Variants in PSD4 observed in about 807,000 individuals in gnomAD.
PSD4 encodes the protein PH and SEC7 domain-containing protein 4.
In PSD4, 59 loss-of-function variants were observed where a neutral mutation model predicts 112.5. That is an observed-to-expected ratio of 0.52 (90% CI 0.43 to 0.65). The LOEUF (loss-of-function observed/expected upper bound fraction) is 0.65, where lower values mean the gene tolerates loss of function less well. Ranked by LOEUF, PSD4 falls within the 30% of genes least tolerant of loss-of-function variation. The pLI is 0.00. For missense variants in PSD4, 1,267 were observed against 1,352.6 expected (o/e 0.94, Z 0.99); for synonymous variants, 533 against 540.0 (o/e 0.99, Z 0.18).
At chr2:113,193,533 A>T in intron 8 of PSD4, 59 bp from the exon 9 acceptor site, 1 of 1,559,024 alleles carries the variant, frequency 6.4e-7, no homozygotes, top group Non-Finnish European at 8.8e-7. Flanking sequence ...GTGTGGGCAG[A>T]GGAAACAGGA....
At chr2:113,196,406 C>T in intron 12 of PSD4, 99 bp downstream of exon 12, 1 of 1,428,896 alleles carries the variant, frequency 7.0e-7, no homozygotes, top group Non-Finnish European at 9.4e-7. Flanking sequence ...AGACAGCCCG[C>T]GTTGAGGACA....
intron 6 of PSD4, 40 bp from the exon 7 acceptor site, chr2:113,193,008 G>C: frequency 6.3e-7 from 1 of 1,590,932 alleles, no homozygotes; most frequent in Non-Finnish European, 8.6e-7. Flanking sequence ...CCCCAGCCCA[G>C]GCCCCTGGTG....
In PSD4 at chr2:113,201,501, C is replaced by CT; in HGVS notation, c.*86_*87insT. 1 of 1,521,640 alleles carries CT rather than the reference C, an allele frequency of 6.6e-7. No individual in the cohort carries two copies. Among genetic ancestry groups the CT allele is most frequent in the Non-Finnish European group, 8.9e-7 (1 of 1,124,392 alleles). 94.3% of individuals were successfully genotyped at this position (1,521,640 alleles called of 1,614,324 possible). A position where few individuals can be genotyped will look rare whatever the true frequency, so the allele number is the denominator to read the frequency against. On this transcript the variant is annotated 3_prime_UTR_variant, in exon 17 of 17. Coordinates refer to ENST00000245796, the MANE Select transcript of PSD4 (RefSeq NM_012455.3). ...CTGGAGGAGACTTATTTCAATGAGTCCACCATGACGGATGAGGCACCTCCT... is the reference window on the plus strand; with the variant it reads ...CTGGAGGAGACTTATTTCAATGAGTCTCACCATGACGGATGAGGCACCTCCT...
chr2:113,193,010 C>T, intron 6 of PSD4, 38 bp from the exon 7 acceptor site: 2 of 1,590,092 alleles, frequency 1.3e-6, no homozygotes, highest in Non-Finnish European at 1.7e-6. Flanking sequence ...CCAGCCCAGG[C>T]CCCTGGTGCA....
Position 113,202,405 on chromosome 2 carries a change from C to G in PSD4, c.*990C>G, listed in dbSNP as rs964072507. On this transcript the variant is annotated 3_prime_UTR_variant, in exon 17 of 17. Transcript: ENST00000245796. ...GCTGGCGACCAGGCGAGGCCTAGGC[C>G]AGGCTCGGGAGACTTTTCTGTGCTC... 1.3e-5 allele frequency: 2 copies of G among 152,356 alleles called. No individual in the cohort carries two copies. The highest frequency in any genetic ancestry group is 2.9e-5 in the Non-Finnish European group (2 of 68,144). 9.4% of individuals were successfully genotyped at this position (152,356 alleles called of 1,614,324 possible).
In PSD4 at chr2:113,201,266, C is replaced by T. The variant is rs1247892691; in HGVS notation, c.3022C>T (p.Arg1008Trp). 4 of 1,614,166 alleles carry T rather than the reference C, an allele frequency of 2.5e-6. No homozygotes were observed. The highest frequency in any genetic ancestry group is 2.2e-5 in the South Asian group (2 of 91,080). ...GCTGGGGAGGGAAGCTGGAGGCACTCGGGAGCCCAAGCTCAGCCTGAAGAA... is the reference window on the plus strand; with the variant it reads ...GCTGGGGAGGGAAGCTGGAGGCACTTGGGAGCCCAAGCTCAGCCTGAAGAA... Reference protein sequence around the residue: ...EQLGREAGGTREPKLSLKKSH... With the variant: ...EQLGREAGGTWEPKLSLKKSH... Residue 1008 changes from arginine (R) to tryptophan (W), a missense_variant, in exon 17 of 17, where the codon CGG becomes TGG. By Grantham distance (101) the Arg-to-Trp change is moderately radical. This residue lies in a region of PSD4 where 544 missense variants were observed against 648.6 expected (regional missense o/e 0.84). Coordinates refer to ENST00000245796, the MANE Select transcript of PSD4 (RefSeq NM_012455.3).
chr2:113,190,702 A>T (rs1032972759), intron 5 of PSD4, among the ~76,000 whole-genome samples: 3 of 152,068 alleles, frequency 2.0e-5, no homozygotes, highest in African/African-American at 7.2e-5. Context: ...CAATCCTCCC[A>T]CCTCGGCCTC....
Position 113,197,780 on chromosome 2 carries a change from T to C in PSD4, c.2491T>C (p.Leu831=). Residue 831 remains leucine, a synonymous_variant, in exon 14 of 17, where the codon TTG becomes CTG. Transcript: ENST00000245796. The part of the protein sequence containing the change: ...GEDHCLEGES[L]VGQMVDEPVG... ...AGACCACTGTCTGGAGGGGGAGAGC[T>C]TGGTGGGGCAGATGGTGGATGAGCC... is the stretch of plus-strand genomic sequence containing the variant. 3.7e-6 allele frequency: 6 copies of C among 1,610,812 alleles called. No individual in the cohort carries two copies. Among genetic ancestry groups the C allele is most frequent in the Non-Finnish European group, 5.1e-6 (6 of 1,177,406 alleles).
At chr2:113,181,995 G>A (rs1235467311) in intron 1 of PSD4, among the ~76,000 whole-genome samples, 5 of 151,996 alleles carry the variant, frequency 3.3e-5, no homozygotes, top group African/African-American at 9.7e-5. Context: ...AGGCATTTCC[G>A]CCTTCAGTTC....
At chr2:113,197,486 T>G in intron 12 of PSD4, 78 bp from the exon 13 acceptor site, 1 of 1,498,492 alleles carries the variant, frequency 6.7e-7, no homozygotes, top group South Asian at 1.2e-5. Context: ...AGGGGGCATA[T>G]GCACACTTGC....
In PSD4 at chr2:113,201,515, G is replaced by GA; in HGVS notation, c.*101dup. 6.8e-7 allele frequency: 1 copy of GA among 1,467,736 alleles called. No homozygotes were observed. Among genetic ancestry groups the GA allele is most frequent in the Non-Finnish European group, 9.2e-7 (1 of 1,083,468 alleles). 90.9% of individuals were successfully genotyped at this position (1,467,736 alleles called of 1,614,324 possible). A position where few individuals can be genotyped will look rare whatever the true frequency, so the allele number is the denominator to read the frequency against. ...TTTCAATGAGTCCACCATGACGGAT[G>GA]AGGCACCTCCTTTCCCTGCTGAAGG... On this transcript the variant is annotated 3_prime_UTR_variant, in exon 17 of 17. Coordinates refer to ENST00000245796, the MANE Select transcript of PSD4 (RefSeq NM_012455.3).
chr2:113,185,783 G>C, intron 4 of PSD4, 94 bp from the exon 5 acceptor site: 1 of 1,551,922 alleles, frequency 6.4e-7, no homozygotes, highest in Non-Finnish European at 8.7e-7. Context: ...AGGCTCCAGG[G>C]GAGGAGCCCC....
In PSD4 at chr2:113,175,521, C is replaced by T. The variant is rs187081881; in HGVS notation, c.-112+1467C>T. On this transcript the variant is annotated intron_variant, in intron 1 of 16. Transcript: ENST00000245796. ...AGGCCAGGGAGTTCCACTCATGGTT[C>T]CTGCCTGCAGCAACATCTGTAATTC... Among the ~76,000 whole-genome samples, 8 of 152,306 alleles carry T rather than the reference C, an allele frequency of 5.3e-5. No individual in the cohort carries two copies. In the East Asian group the frequency reaches 1.5e-3, roughly 29 times the overall value.
Position 113,196,373 on chromosome 2 carries a change from G to A in PSD4, c.2386+66G>A, listed in dbSNP as rs1688612033. 27 of 1,532,034 alleles carry A rather than the reference G, an allele frequency of 1.8e-5. No individual in the cohort carries two copies. In the East Asian group the frequency reaches 2.4e-4, roughly 14 times the overall value. 94.9% of individuals were successfully genotyped at this position (1,532,034 alleles called of 1,614,324 possible). On this transcript the variant is annotated intron_variant, in intron 12 of 16. Transcript: ENST00000245796. ...GCAGCCCTGCTCAGGGACCTGTGCC[G>A]ATGCATGCACAGGTGTGCAGAGAGA...
In PSD4 at chr2:113,203,965, C is replaced by G. The variant is rs1379268634; in HGVS notation, c.*2550C>G. On this transcript the variant is annotated 3_prime_UTR_variant, in exon 17 of 17. Coordinates refer to ENST00000245796, the MANE Select transcript of PSD4 (RefSeq NM_012455.3). Reference sequence around the variant, plus strand: ...TCATGTAGAACCGGCACCTCTCTTTCACCTGAGCACGTGGAATCTTCAGAG... The same window carrying G: ...TCATGTAGAACCGGCACCTCTCTTTGACCTGAGCACGTGGAATCTTCAGAG... The G allele has an allele frequency of 1.3e-5, 2 of 152,246 alleles. No homozygotes were observed. Among genetic ancestry groups the G allele is most frequent in the African/African-American group, 4.8e-5 (2 of 41,458 alleles). The allele number at this position is 152,246 out of a possible 1,614,324, so 9.4% of individuals were successfully genotyped here.
rs778270250 is a variant in PSD4 at position 113,183,491 on chromosome 2, T to C, written c.1035T>C (p.Pro345=). ...CCGCTGAGGGGGCTCCTGCAGCACC[T>C]CCTGGTCACGGGGAGAGTGAGGTAA... is the stretch of plus-strand genomic sequence containing the variant. ...VAAAEGAPAA[P]PGHGESEGDR... Residue 345 remains proline, a synonymous_variant, in exon 2 of 17, where the codon CCT becomes CCC. Transcript: ENST00000245796. The C allele has an allele frequency of 6.9e-6, 11 of 1,584,936 alleles. No individual in the cohort carries two copies. Among genetic ancestry groups the C allele is most frequent in the Non-Finnish European group, 8.6e-6 (10 of 1,167,182 alleles).
intron 1 of PSD4, among the ~76,000 whole-genome samples, chr2:113,179,417 CTG>C (rs1688067094): frequency 6.6e-6 from 1 of 152,122 alleles, no homozygotes; most frequent in Non-Finnish European, 1.5e-5. Context: ...AAAGGCAAGA[CTG>C]TTAATGGAAA....
chr2:113,193,520 G>C, intron 8 of PSD4, 72 bp from the exon 9 acceptor site: 1 of 1,526,042 alleles, frequency 6.6e-7, no homozygotes, highest in Non-Finnish European at 9.1e-7. Flanking sequence ...GTTACCCCAC[G>C]CAGTGTGGGC....
rs1195509118 is a variant in PSD4, at chr2:113,192,398, G to A, written c.1647G>A (p.Pro549=). The change falls in exon 6 of 17, where the codon CCG becomes CCA. Residue 549 remains proline (P), a synonymous_variant. Coordinates refer to ENST00000245796, the MANE Select transcript of PSD4 (RefSeq NM_012455.3). ...TSAEHENLRT[P]MNSSWLPGSP... is the part of the protein sequence containing the mutation. ...TCTCAAGTGAGAATCTGAGGACACCGATGAACTCTTCTTGGCTTCCTGGGA... is the reference window on the plus strand; with the variant it reads ...TCTCAAGTGAGAATCTGAGGACACCAATGAACTCTTCTTGGCTTCCTGGGA... 6.2e-6 allele frequency: 10 copies of A among 1,614,180 alleles called. No individual in the cohort carries two copies. The East Asian group carries it at 6.7e-5, about 11-fold the overall frequency.
Sources: gnomAD v4.1 joint callset for allele counts (sites outside exome capture counted in the v4.1 genomes callset) on GRCh38, gnomAD v4.1.1 for gene constraint, gnomAD v4.1.1 regional missense constraint, MANE v1.5 for transcripts, NCBI Gene and HGNC (gene_info 2026-07-23, HGNC 2026-07-21) for gene names.